PTPRD: variants seen among roughly 807,000 people sequenced by gnomAD.
PTPRD encodes the protein receptor-type tyrosine-protein phosphatase delta.
In PTPRD, 34 loss-of-function variants were observed where a neutral mutation model predicts 214.5. The ratio of observed to expected loss-of-function variants is 0.16; its 90% CI spans 0.12 to 0.21. The LOEUF (loss-of-function observed/expected upper bound fraction) is 0.21, where lower values mean the gene tolerates loss of function less well. PTPRD is among the 10% of genes least tolerant of loss of function. The probability of loss-of-function intolerance (pLI) is 1.00; values close to 1 mark genes in which losing one functional copy is unlikely to be tolerated. For synonymous variants in PTPRD, 1,128 were observed against 845.7 expected, an observed-to-expected ratio of 1.33 and a Z score of -5.79; for missense variants, 2,545 against 2,398.7, an observed-to-expected ratio of 1.06 and a Z score of -1.27.
intron 11 of PTPRD, among the ~76,000 whole-genome samples, chr9:8,940,275 CT>C (rs1333643861): frequency 7.1e-5 from 2 of 27,974 alleles, no homozygotes; most frequent in African/African-American, 9.5e-5. Context: ...CTCTCTCTCT[CT>C]CTCCTTTTTT....
chr9:8,456,687 G>A (rs530787248), intron 33 of PTPRD, among the ~76,000 whole-genome samples: 13 of 152,276 alleles, frequency 8.5e-5, no homozygotes, highest in African/African-American at 3.1e-4. Context: ...AGCAGGAAAA[G>A]GCTGGAAAAA....
intron 43 of PTPRD, among the ~76,000 whole-genome samples, chr9:8,334,313 G>C (rs1229755720): frequency 1.3e-5 from 2 of 151,496 alleles, no homozygotes; most frequent in Admixed American, 6.6e-5. Flanking sequence ...GCAAAAGAAA[G>C]AATGGAAATC....
chr9:9,635,444 G>T (rs1334246841), intron 7 of PTPRD, among the ~76,000 whole-genome samples: 1 of 152,106 alleles, frequency 6.6e-6, no homozygotes, highest in Non-Finnish European at 1.5e-5. Context: ...AACAGCTTCT[G>T]GCTGGACACT....
chr9:8,329,909 G>C (rs1004368621), intron 44 of PTPRD, among the ~76,000 whole-genome samples: 3 of 151,584 alleles, frequency 2.0e-5, no homozygotes, highest in Non-Finnish European at 2.9e-5. Flanking sequence ...AGCTGTACTC[G>C]CAGTGAGATT....
At chr9:9,106,853 T>C (rs149304352) in intron 10 of PTPRD, among the ~76,000 whole-genome samples, 21 of 152,242 alleles carry the variant, frequency 1.4e-4, no homozygotes, top group African/African-American at 4.8e-4. Flanking sequence ...TTATTATCCT[T>C]GAATATACCT....
rs577944191 is a variant in PTPRD, at chr9:9,927,709, C to T, written c.-368+10798G>A. ...ATTATTAATATCTATCTATTTTTCCCATACATCTAATGCAGTGCAATGTTC... is the reference window on the plus strand; with the variant it reads ...ATTATTAATATCTATCTATTTTTCCTATACATCTAATGCAGTGCAATGTTC... On this transcript the variant is annotated intron_variant, in intron 5 of 45. Coordinates refer to ENST00000381196, the MANE Select transcript of PTPRD (RefSeq NM_002839.4). 7.9e-5 allele frequency among the ~76,000 whole-genome samples: 12 copies of T among 152,160 alleles called. 1 individual carries two copies. In the South Asian group the frequency reaches 2.1e-3, roughly 26 times the overall value.
At chr9:8,662,861 G>A (rs1232906657) in intron 12 of PTPRD, among the ~76,000 whole-genome samples, 1 of 151,960 alleles carries the variant, frequency 6.6e-6, no homozygotes, top group African/African-American at 2.4e-5. Flanking sequence ...ACCTTTTTAT[G>A]ATGATTATCT....
intron 10 of PTPRD, among the ~76,000 whole-genome samples, chr9:9,055,237 C>T (rs2099694026): frequency 6.6e-6 from 1 of 152,008 alleles, no homozygotes; most frequent in Non-Finnish European, 1.5e-5. Context: ...CAGAAAAAAA[C>T]ATGATGATTA....
At chr9:9,395,603 C>A (rs1366842853) in intron 9 of PTPRD, among the ~76,000 whole-genome samples, 1 of 152,028 alleles carries the variant, frequency 6.6e-6, no homozygotes, top group African/African-American at 2.4e-5. Flanking sequence ...TACCAGTGGA[C>A]CAGTGGCAGA....
chr9:10,086,829 C>A (rs946554778), intron 3 of PTPRD, among the ~76,000 whole-genome samples: 2 of 151,740 alleles, frequency 1.3e-5, no homozygotes, highest in Non-Finnish European at 2.9e-5. Flanking sequence ...AATCTCTGCT[C>A]CACTATTTAC....
intron 8 of PTPRD, among the ~76,000 whole-genome samples, chr9:9,451,972 T>A (rs922042413): frequency 2.0e-5 from 3 of 150,446 alleles, no homozygotes; most frequent in Non-Finnish European, 4.5e-5. Flanking sequence ...TAGAAAGAGA[T>A]AGCAAAAAGA....
At chr9:8,871,449 A>T (rs2154207965) in intron 11 of PTPRD, among the ~76,000 whole-genome samples, 1 of 152,284 alleles carries the variant, frequency 6.6e-6, no homozygotes, top group South Asian at 2.1e-4. Flanking sequence ...AGAAAATGAA[A>T]TATTTAGGAA....
intron 3 of PTPRD, among the ~76,000 whole-genome samples, chr9:10,062,021 G>A (rs1037296713): frequency 7.7e-5 from 11 of 141,988 alleles, no homozygotes; most frequent in East Asian, 2.0e-4. Context: ...ACTAGAATTC[G>A]AGAACCATTG....
At chr9:9,479,940 G>T (rs1262802532) in intron 8 of PTPRD, among the ~76,000 whole-genome samples, 11 of 152,208 alleles carry the variant, frequency 7.2e-5, no homozygotes, top group African/African-American at 2.6e-4. Context: ...AAGCAAATCT[G>T]ACAGGCTACT....
intron 36 of PTPRD, among the ~76,000 whole-genome samples, chr9:8,396,029 G>C (rs2091060922): frequency 6.6e-6 from 1 of 151,948 alleles, no homozygotes; most frequent in Non-Finnish European, 1.5e-5. Flanking sequence ...CTAATAAGGA[G>C]GCAATTATTA....
intron 33 of PTPRD, among the ~76,000 whole-genome samples, chr9:8,455,887 T>C (rs1026926537): frequency 1.3e-5 from 2 of 152,162 alleles, no homozygotes; most frequent in Non-Finnish European, 2.9e-5. Flanking sequence ...CTGTTTTGAG[T>C]ATTCATATGC....
At chr9:10,571,013 G>A (rs2067261093) in intron 2 of PTPRD, among the ~76,000 whole-genome samples, 1 of 151,908 alleles carries the variant, frequency 6.6e-6, no homozygotes, top group Admixed American at 6.6e-5. Flanking sequence ...AGGTCATGCT[G>A]CTGGTTTTTG....
chr9:10,394,900 TG>T (rs369892971), intron 2 of PTPRD, among the ~76,000 whole-genome samples: 84 of 151,786 alleles, frequency 5.5e-4, no homozygotes, highest in Admixed American at 2.6e-3. Flanking sequence ...CTGATGAATG[TG>T]GATTTAATAT....
At chr9:8,378,590 C>T (rs1405738637) in intron 37 of PTPRD, among the ~76,000 whole-genome samples, 1 of 152,024 alleles carries the variant, frequency 6.6e-6, no homozygotes, top group Non-Finnish European at 1.5e-5. Context: ...AAGAGAGAAA[C>T]TCAAATTCAT....
Sources: allele counts gnomAD v4.1 joint callset (sites outside exome capture counted in the v4.1 genomes callset), GRCh38; gene constraint gnomAD v4.1.1; transcripts MANE v1.5; gene names NCBI Gene and HGNC (gene_info 2026-07-23, HGNC 2026-07-21).